CCDC192: variants seen among roughly 807,000 people sequenced by gnomAD.
The protein encoded by CCDC192 is coiled-coil domain containing 192.
At chr5:127,917,402 C>G (rs754152884) in intron 6 of CCDC192, among the ~76,000 whole-genome samples, 1 of 152,198 alleles carries the variant, frequency 6.6e-6, no homozygotes, top group Non-Finnish European at 1.5e-5. Context: ...CTTGGCTAAC[C>G]GGCGCAAGGG....
intron 1 of CCDC192, among the ~76,000 whole-genome samples, chr5:127,707,001 A>G (rs1266031570): frequency 6.6e-6 from 1 of 152,218 alleles, no homozygotes; most frequent in Non-Finnish European, 1.5e-5. Context: ...GTGATAAGTC[A>G]TGTCAAAAGC....
intron 5 of CCDC192, among the ~76,000 whole-genome samples, chr5:127,868,877 G>A (rs1385828165): frequency 6.6e-6 from 1 of 152,180 alleles, no homozygotes; most frequent in African/African-American, 2.4e-5. Context: ...GCACAGCATA[G>A]TGATAGAAGG....
At chr5:127,809,308 GA>G (rs139147967) in intron 5 of CCDC192, among the ~76,000 whole-genome samples, 7,774 of 151,768 alleles carry the variant, frequency 0.051, 675 homozygotes, top group African/African-American at 0.18. Context: ...GAAATATCAG[GA>G]AAAAAAATAG....
At position 127,836,756 on chromosome 5, in the gene CCDC192, A is replaced by G. The variant is rs893799337; in HGVS notation, c.411+38594A>G. Among the ~76,000 whole-genome samples the G allele has an allele frequency of 3.2e-5, 2 of 62,480 alleles. 1 individual carries two copies. Among genetic ancestry groups the G allele is most frequent in the Non-Finnish European group, 7.6e-5 (2 of 26,242 alleles). 41.0% of individuals were successfully genotyped at this position (62,480 alleles called of 152,430 possible). ...TTTGGGATGCAGGGCACCAAGTCCC[A>G]AGGCTGCATAGAGCAGCAGAGGGCC... On this transcript the variant is annotated intron_variant, in intron 5 of 6. Coordinates refer to ENST00000514853, the MANE Select transcript of CCDC192 (RefSeq NM_001317938.2).
chr5:127,721,828 C>A (rs184135612), intron 2 of CCDC192, among the ~76,000 whole-genome samples: 1 of 152,250 alleles, frequency 6.6e-6, no homozygotes, highest in East Asian at 1.9e-4. Context: ...TCTTGCATGG[C>A]TGGGGCAGGA....
rs886124406 is a variant in CCDC192, at chr5:127,752,328, A to G, written c.115-1940A>G. On this transcript the variant is annotated intron_variant, in intron 2 of 6. Transcript: ENST00000514853. ...CTTTCTGTTTGTTAGTTTTCCTTCT[A>G]ACAGACAGGACCCTCAGCTGCAGGT... Among the ~76,000 whole-genome samples the G allele has an allele frequency of 8.5e-5, 13 of 152,202 alleles. No homozygotes were observed. The South Asian group carries it at 1.2e-3, about 15-fold the overall frequency.
At chr5:127,872,428 T>TG (rs1429863375) in intron 5 of CCDC192, among the ~76,000 whole-genome samples, 2 of 152,196 alleles carry the variant, frequency 1.3e-5, no homozygotes, top group Non-Finnish European at 2.9e-5. Context: ...GTACCAACCC[T>TG]GGAGGCTTTG....
intron 5 of CCDC192, among the ~76,000 whole-genome samples, chr5:127,802,746 C>T (rs1011528591): frequency 7.2e-5 from 11 of 152,162 alleles, no homozygotes; most frequent in Non-Finnish European, 1.3e-4. Context: ...TATCTTTATT[C>T]CTCCCACAGT....
intron 6 of CCDC192, among the ~76,000 whole-genome samples, chr5:127,887,328 C>CAAAAAAA (rs10658827): frequency 4.6e-5 from 4 of 87,558 alleles, no homozygotes; most frequent in African/African-American, 9.3e-5. Flanking sequence ...GACTCTGTCT[C>CAAAAAAA]AAAAAAAAAA....
intron 2 of CCDC192, among the ~76,000 whole-genome samples, chr5:127,714,045 A>G (rs1455033894): frequency 6.6e-6 from 1 of 152,048 alleles, no homozygotes; most frequent in Non-Finnish European, 1.5e-5. Flanking sequence ...CTCTATTTCT[A>G]TGAAATTGAT....
chr5:127,786,788 T>C (rs1756564798), intron 3 of CCDC192: 2 of 617,676 alleles, frequency 3.2e-6, no homozygotes, highest in Non-Finnish European at 6.1e-6. Context: ...GTTTGTATAA[T>C]TCCAGGCCAA....
intron 2 of CCDC192, among the ~76,000 whole-genome samples, chr5:127,732,235 T>C (rs979686424): frequency 6.6e-6 from 1 of 151,546 alleles, no homozygotes. Context: ...AACAAACATA[T>C]GGAAAAAAGC....
intron 5 of CCDC192, among the ~76,000 whole-genome samples, chr5:127,800,524 A>C (rs1301498975): frequency 6.6e-6 from 1 of 152,102 alleles, no homozygotes; most frequent in East Asian, 1.9e-4. Flanking sequence ...TTTCCAAAAG[A>C]GTTTGATTAT....
intron 2 of CCDC192, among the ~76,000 whole-genome samples, chr5:127,713,513 T>G (rs1751454663): frequency 6.6e-6 from 1 of 152,222 alleles, no homozygotes; most frequent in Non-Finnish European, 1.5e-5. Flanking sequence ...TACCTGGTCT[T>G]GTAATTCTCT....
intron 6 of CCDC192, among the ~76,000 whole-genome samples, chr5:127,921,060 G>C (rs1753699146): frequency 8.1e-6 from 1 of 124,134 alleles, no homozygotes; most frequent in African/African-American, 3.4e-5. Context: ...AAGGAGGAAG[G>C]AGGAAGCAGG....
At chr5:127,790,992 A>G (rs1303936023) in intron 3 of CCDC192, among the ~76,000 whole-genome samples, 1 of 152,214 alleles carries the variant, frequency 6.6e-6, no homozygotes, top group East Asian at 1.9e-4. Context: ...CAATTTCTAT[A>G]TATTGTAATT....
At chr5:127,884,846 A>G (rs1009254663) in intron 6 of CCDC192, among the ~76,000 whole-genome samples, 5 of 152,084 alleles carry the variant, frequency 3.3e-5, no homozygotes, top group Admixed American at 2.6e-4. Context: ...TTTTCTCCCT[A>G]TCATTTTTAC....
chr5:127,898,360 C>T (rs953872711), intron 6 of CCDC192, among the ~76,000 whole-genome samples: 5 of 152,128 alleles, frequency 3.3e-5, no homozygotes, highest in Non-Finnish European at 5.9e-5. Context: ...CCGCCCACCT[C>T]AGCATCCGAA....
At chr5:127,765,535 A>G (rs1267915672) in intron 3 of CCDC192, among the ~76,000 whole-genome samples, 2 of 152,308 alleles carry the variant, frequency 1.3e-5, no homozygotes, top group Non-Finnish European at 2.9e-5. Flanking sequence ...AGTCCCCAGT[A>G]ATTTTTAGAG....
Sources: allele counts gnomAD v4.1 joint callset (sites outside exome capture counted in the v4.1 genomes callset), GRCh38; gene constraint gnomAD v4.1.1; transcripts MANE v1.5; gene names NCBI Gene and HGNC (gene_info 2026-07-23, HGNC 2026-07-21).